TEX14: variants seen among roughly 807,000 people sequenced by gnomAD.
The protein encoded by TEX14 is inactive serine/threonine-protein kinase TEX14.
A neutral mutation model predicts 178.6 loss-of-function variants in TEX14; 168 were observed. The observed-to-expected ratio is 0.94, with a 90% CI of 0.83 to 1.07. TEX14 has a LOEUF of 1.07. Ranked by LOEUF, TEX14 falls within the 50% of genes least tolerant of loss-of-function variation. The pLI is 0.00. For missense variants in TEX14, 1,730 were observed against 1,753.6 expected (o/e 0.99, Z 0.24); for synonymous variants, 626 against 634.1 (o/e 0.99, Z 0.19).
intron 21 of TEX14, among the ~76,000 whole-genome samples, chr17:58,575,075 A>G (rs992490768): frequency 3.3e-5 from 5 of 151,904 alleles, no homozygotes; most frequent in Non-Finnish European, 5.9e-5. Flanking sequence ...AACATTAACT[A>G]TAAGGCAGAT....
intron 3 of TEX14, among the ~76,000 whole-genome samples, chr17:58,625,875 G>C (rs1052331424): frequency 7.9e-5 from 12 of 151,946 alleles, no homozygotes; most frequent in Non-Finnish European, 1.8e-4. Context: ...TGAGTAGCTG[G>C]GACTACAGGC....
intron 1 of TEX14, chr17:58,661,813 C>T (rs1294511416): frequency 6.2e-6 from 3 of 485,226 alleles, no homozygotes; most frequent in African/African-American, 4.0e-5. Context: ...CAAACTTTGT[C>T]TCTCTGTTTC....
Position 58,613,422 on chromosome 17 carries a change from C to T in TEX14, c.1004G>A (p.Arg335Gln), listed in dbSNP as rs1385216330. The change falls in exon 9 of 32, where the codon CGA becomes CAA. Residue 335 changes from arginine (R) to glutamine (Q), a missense_variant and splice_region_variant. Physicochemically the swap from Arg to Gln is conservative, Grantham distance 43. Around this residue, in one of 2 missense-constraint regions of TEX14, gnomAD observed 789 missense variants for 681.2 expected, o/e 1.16. Transcript: ENST00000349033. ...AAATCCACGGAAACAGCAGTTTACT[C>T]GTTCATGAAGGACACTGAACAATGT... ...IGTLFSVLHE[R>Q]RSQFPVLHME... The T allele has an allele frequency of 3.7e-6, 6 of 1,613,876 alleles. No homozygotes were observed. Among genetic ancestry groups the T allele is most frequent in the South Asian group, 1.1e-5 (1 of 91,028 alleles).
chr17:58,678,222 G>A (rs1457836821), intron 1 of TEX14, among the ~76,000 whole-genome samples: 1 of 152,196 alleles, frequency 6.6e-6, no homozygotes, highest in Non-Finnish European at 1.5e-5. Context: ...TGGGCCTAAT[G>A]TAATCACAGG....
chr17:58,685,720 G>A lies in TEX14; in HGVS notation c.-2+6219C>T, dbSNP rs185061510. Among the ~76,000 whole-genome samples the A allele has an allele frequency of 3.5e-4, 53 of 151,762 alleles. No homozygotes were observed. The Middle Eastern group carries it at 0.014, about 39-fold the overall frequency. On this transcript the variant is annotated intron_variant, in intron 1 of 31. Transcript: ENST00000349033. ...CTAAGAGCAAAATAAGGCGAGGTGC[G>A]GTGCCTCATGCCTGTAATCCCAGCA...
At chr17:58,682,418 C>T (rs1460564351) in intron 1 of TEX14, among the ~76,000 whole-genome samples, 2 of 151,982 alleles carry the variant, frequency 1.3e-5, no homozygotes, top group Non-Finnish European at 2.9e-5. Context: ...CCACCATGCC[C>T]GGCTAGTTTT....
chr17:58,590,658 G>T (rs1195324157), intron 15 of TEX14, among the ~76,000 whole-genome samples: 1 of 151,950 alleles, frequency 6.6e-6, no homozygotes, highest in Non-Finnish European at 1.5e-5. Context: ...AGGATCAGGT[G>T]ATCCTCCCAC....
At position 58,602,489 on chromosome 17, in the gene TEX14, CATA is replaced by C; in HGVS notation, c.1435_1437del (p.Tyr479del). On this transcript the variant is annotated inframe_deletion, in exon 12 of 32. Transcript: ENST00000349033. ...ACGTGGATGCCTGACTTAACAATATCATAGTAAGGTTTCGGAAGCCTGACATCA... is the reference window on the plus strand; with the variant it reads ...ACGTGGATGCCTGACTTAACAATATCGTAAGGTTTCGGAAGCCTGACATCA... 6.2e-7 allele frequency: 1 copy of C among 1,613,908 alleles called. No homozygotes were observed. Among genetic ancestry groups the C allele is most frequent in the Non-Finnish European group, 8.5e-7 (1 of 1,179,996 alleles).
At chr17:58,667,839 GCCGTGATCATGCCA>G (rs2047238860) in intron 1 of TEX14, among the ~76,000 whole-genome samples, 1 of 151,122 alleles carries the variant, frequency 6.6e-6, no homozygotes, top group Non-Finnish European at 1.5e-5. Context: ...GAGGCAATGA[GCCGTGATCATGCCA>G]CCGCACTCCA....
At chr17:58,673,066 A>T (rs2047329601) in intron 1 of TEX14, among the ~76,000 whole-genome samples, 1 of 151,890 alleles carries the variant, frequency 6.6e-6, no homozygotes. Context: ...TTTAAAAAAA[A>T]TTTCTTACAA....
rs982549519 is a variant in TEX14 at position 58,572,985 on chromosome 17, C to T, written c.3511+196G>A. 3.6e-4 allele frequency among the ~76,000 whole-genome samples: 55 copies of T among 152,262 alleles called. 1 individual carries two copies. The highest frequency in any genetic ancestry group is 2.4e-4 in the African/African-American group (10 of 41,470). On this transcript the variant is annotated intron_variant, in intron 23 of 31. Coordinates refer to ENST00000349033, the MANE Select transcript of TEX14 (RefSeq NM_031272.5). Reference sequence around the variant, plus strand: ...TGCAGTTCTAACCAAAACCTCCTAACGGCTGCCCAATAATCACCACCACCA... The same window carrying T: ...TGCAGTTCTAACCAAAACCTCCTAATGGCTGCCCAATAATCACCACCACCA...
chr17:58,602,346 T>C, intron 12 of TEX14, 54 bp downstream of exon 12: 1 of 1,501,390 alleles, frequency 6.7e-7, no homozygotes, highest in Non-Finnish European at 9.1e-7. Context: ...TCTAACTCCC[T>C]ATTCTCCTGA....
In TEX14 at chr17:58,585,851, T is replaced by C. The variant is rs2044953017; in HGVS notation, c.3020A>G (p.Asp1007Gly). 2.5e-6 allele frequency: 4 copies of C among 1,614,052 alleles called. No homozygotes were observed. Among genetic ancestry groups the C allele is most frequent in the Middle Eastern group, 3.3e-4 (2 of 6,062 alleles). ...TCTGCCATGCTGGTCACTGTCACAG[T>C]CATTGTTGCCCGTCTTGTCAAACTT... Reference protein sequence around the residue: ...NGKFDKTGNNDCDSDQHGRQP... With the variant: ...NGKFDKTGNNGCDSDQHGRQP... Residue 1007 changes from aspartate (D) to glycine (G), a missense_variant, in exon 18 of 32, where the codon GAC (aspartate) becomes GGC (glycine). This residue lies in a region of TEX14 where 941 missense variants were observed against 1,072.4 expected (regional missense o/e 0.88). Coordinates refer to ENST00000349033, the MANE Select transcript of TEX14 (RefSeq NM_031272.5).
At chr17:58,582,566 CTTTTTTT>C (rs74540002) in intron 19 of TEX14, among the ~76,000 whole-genome samples, 2 of 129,362 alleles carry the variant, frequency 1.5e-5, no homozygotes, top group South Asian at 5.1e-4. Flanking sequence ...CTGCAAATTT[CTTTTTTT>C]TTTTTTTTGA....
At chr17:58,583,567 C>T (rs1006062059) in intron 19 of TEX14, among the ~76,000 whole-genome samples, 3 of 152,222 alleles carry the variant, frequency 2.0e-5, no homozygotes, top group African/African-American at 7.2e-5. Context: ...ACCCAACCTT[C>T]AGTGATCTCT....
rs143284469 is a variant in TEX14 at position 58,685,103 on chromosome 17, AC to A, written c.-2+6835del. Among the ~76,000 whole-genome samples the A allele has an allele frequency of 3.0e-3, 450 of 152,326 alleles. 11 individuals carry two copies. In the East Asian group the frequency reaches 0.076, roughly 26 times the overall value. On this transcript the variant is annotated intron_variant, in intron 1 of 31. Coordinates refer to ENST00000349033, the MANE Select transcript of TEX14 (RefSeq NM_031272.5). Reference sequence around the variant, plus strand: ...AAAATCCATTTATAATTTTGTATAGACCTTCTAAACATGTTACCAAAGTCAG... The same window carrying A: ...AAAATCCATTTATAATTTTGTATAGACTTCTAAACATGTTACCAAAGTCAG...
chr17:58,637,027 G>A (rs928859747), intron 2 of TEX14, among the ~76,000 whole-genome samples: 5 of 152,126 alleles, frequency 3.3e-5, no homozygotes, highest in African/African-American at 1.2e-4. Flanking sequence ...AGCAGTTCAA[G>A]ACCAGTCTGG....
chr17:58,595,954 G>A (rs2045268556), intron 14 of TEX14, among the ~76,000 whole-genome samples: 1 of 152,242 alleles, frequency 6.6e-6, no homozygotes, highest in African/African-American at 2.4e-5. Flanking sequence ...GGAGGCCAAG[G>A]TGGGCGGATC....
chr17:58,599,210 G>C lies in TEX14; in HGVS notation c.2135C>G (p.Ala712Gly). ...GGACATGTTGTTCAAATTGCTCTTG[G>C]CTTCTCTGGTTGACTCAGGAAGGCT... ...SLSLPESTRE[A>G]KSNLNNMSTT... Residue 712 changes from alanine (A) to glycine (G), a missense_variant, in exon 14 of 32, where the codon GCC becomes GGC. Around this residue, in one of 2 missense-constraint regions of TEX14, gnomAD observed 941 missense variants for 1,072.4 expected, o/e 0.88. Coordinates refer to ENST00000349033, the MANE Select transcript of TEX14 (RefSeq NM_031272.5). 1.2e-6 allele frequency: 2 copies of C among 1,613,942 alleles called. No homozygotes were observed. Among genetic ancestry groups the C allele is most frequent in the South Asian group, 2.2e-5 (2 of 91,078 alleles).
Sources: gnomAD v4.1 joint callset for allele counts (sites outside exome capture counted in the v4.1 genomes callset) on GRCh38, gnomAD v4.1.1 for gene constraint, gnomAD v4.1.1 regional missense constraint, MANE v1.5 for transcripts, NCBI Gene and HGNC (gene_info 2026-07-23, HGNC 2026-07-21) for gene names.